The following LAMP5 variants were observed in gnomAD, a reference collection of about 807,000 sequenced individuals.
The protein encoded by LAMP5 is lysosome-associated membrane glycoprotein 5.
LAMP5 carries 36 observed loss-of-function variants against 30.2 expected under a neutral mutation model. The observed-to-expected ratio is 1.19, with a 90% CI of 0.91 to 1.57. The LOEUF (loss-of-function observed/expected upper bound fraction) is 1.57. Among genes scored for constraint, LAMP5 ranks in the 40% most tolerant of loss-of-function variants. The probability of loss-of-function intolerance (pLI) is 0.00; values close to 1 mark genes in which losing one functional copy is unlikely to be tolerated. For missense variants in LAMP5, 377 were observed against 354.9 expected (o/e 1.06, Z -0.50); for synonymous variants, 149 against 134.6 (o/e 1.11, Z -0.74).
At position 9,515,635 on chromosome 20, in the gene LAMP5, C is replaced by CT; in HGVS notation, c.237+13dup. 1.2e-6 allele frequency: 2 copies of CT among 1,606,950 alleles called. No individual in the cohort carries two copies. Among genetic ancestry groups the CT allele is most frequent in the South Asian group, 2.2e-5 (2 of 90,864 alleles). ...CAGCAACTACGTAGATGTAAGGAAT[C>CT]TTTCCCCCCCCTCAGCTTGCTCCTA... On this transcript the variant is annotated intron_variant, in intron 2 of 5. Transcript: ENST00000246070.
At chr20:9,527,825 C>G (rs1257672341) in intron 5 of LAMP5, among the ~76,000 whole-genome samples, 1 of 152,104 alleles carries the variant, frequency 6.6e-6, no homozygotes, top group Non-Finnish European at 1.5e-5. Context: ...GGAGACTCAG[C>G]ACTATGAAGC....
chr20:9,528,627 A>G (rs1292972379), intron 5 of LAMP5, among the ~76,000 whole-genome samples: 1 of 152,194 alleles, frequency 6.6e-6, no homozygotes, highest in Non-Finnish European at 1.5e-5. Flanking sequence ...TATCAATAAA[A>G]AATAACAAAG....
At chr20:9,527,996 G>A (rs373192473) in intron 5 of LAMP5, among the ~76,000 whole-genome samples, 14 of 152,194 alleles carry the variant, frequency 9.2e-5, no homozygotes, top group African/African-American at 3.1e-4. Context: ...TATATTACAT[G>A]CACCCTTAAT....
chr20:9,528,362 G>T (rs887676007), intron 5 of LAMP5, among the ~76,000 whole-genome samples: 6 of 151,864 alleles, frequency 4.0e-5, no homozygotes, highest in Non-Finnish European at 7.4e-5. Context: ...ACTAAAGAGA[G>T]GTTGGTTAAT....
intron 5 of LAMP5, among the ~76,000 whole-genome samples, chr20:9,524,595 T>TAAAAAAAAAAAAAA (rs748114210): frequency 3.3e-3 from 271 of 81,576 alleles, no homozygotes; most frequent in Middle Eastern, 0.017. Context: ...CAGATCGAAC[T>TAAAAAAAAAAAAAA]AAAAAAAAAA....
At chr20:9,522,946 A>AT (rs1200194574) in intron 5 of LAMP5, among the ~76,000 whole-genome samples, 1 of 134,366 alleles carries the variant, frequency 7.4e-6, no homozygotes, top group Admixed American at 7.3e-5. Flanking sequence ...TGCACTTATA[A>AT]TTTTTTTCTT....
At chr20:9,518,288 G>A in intron 5 of LAMP5, 60 bp downstream of exon 5, 4 of 1,499,384 alleles carry the variant, frequency 2.7e-6, no homozygotes, top group Non-Finnish European at 3.7e-6. Flanking sequence ...GGATGAGAGA[G>A]GGACCTACCA....
chr20:9,523,804 A>G (rs1266329083), intron 5 of LAMP5, among the ~76,000 whole-genome samples: 1 of 152,112 alleles, frequency 6.6e-6, no homozygotes, highest in Non-Finnish European at 1.5e-5. Flanking sequence ...AAGCCAACAG[A>G]TGCTCTTCTC....
chr20:9,523,791 G>A (rs1486800059), intron 5 of LAMP5, among the ~76,000 whole-genome samples: 2 of 152,100 alleles, frequency 1.3e-5, no homozygotes, highest in African/African-American at 4.8e-5. Context: ...TGTAGTCCGG[G>A]CTAAGCCAAC....
intron 4 of LAMP5, 30 bp from the exon 5 acceptor site, chr20:9,518,010 T>TCTGCCAGCAGGAGGAGC (rs143992809): frequency 6.3e-7 from 1 of 1,590,320 alleles, no homozygotes; most frequent in African/African-American, 1.3e-5. Flanking sequence ...CAATGAGGGT[T>TCTGCCAGCAGGAGGAGC]CTAACTATTG....
chr20:9,524,803 A>T (rs1355423133), intron 5 of LAMP5, among the ~76,000 whole-genome samples: 1 of 152,214 alleles, frequency 6.6e-6, no homozygotes, highest in African/African-American at 2.4e-5. Context: ...CATACTAAGT[A>T]GGATGACTGA....
chr20:9,515,910 G>T, intron 2 of LAMP5, 90 bp from the exon 3 acceptor site: 5 of 1,385,448 alleles, frequency 3.6e-6, no homozygotes, highest in Non-Finnish European at 4.8e-6. Flanking sequence ...GCGCCCAAGC[G>T]TGCAACCCAG....
Position 9,516,020 on chromosome 20 carries a change from T to C in LAMP5, c.258T>C (p.Asp86=), listed in dbSNP as rs745456501. Reference sequence around the variant, plus strand: ...CCCAGCTGATCACAGAACAGGCCGATATCGCATTGACCCGGGGAGCTGAGG... The same window carrying C: ...CCCAGCTGATCACAGAACAGGCCGACATCGCATTGACCCGGGGAGCTGAGG... ...NYVDLITEQA[D]IALTRGAEVK... is the part of the protein sequence containing the mutation. The change falls in exon 3 of 6, where the codon GAT becomes GAC. Residue 86 remains aspartate (D), a synonymous_variant. Coordinates refer to ENST00000246070, the MANE Select transcript of LAMP5 (RefSeq NM_012261.4). 4.4e-5 allele frequency: 67 copies of C among 1,526,914 alleles called. No individual in the cohort carries two copies. The highest frequency in any genetic ancestry group is 5.2e-6 in the Non-Finnish European group (6 of 1,142,946). 94.6% of individuals were successfully genotyped at this position (1,526,914 alleles called of 1,614,324 possible).
chr20:9,527,401 G>A (rs540943646), intron 5 of LAMP5, among the ~76,000 whole-genome samples: 2 of 152,156 alleles, frequency 1.3e-5, no homozygotes, highest in East Asian at 3.9e-4. Context: ...GACTAAGAAT[G>A]TCAAGTATAC....
In LAMP5 at chr20:9,516,101, C is replaced by T. The variant is rs760439030; in HGVS notation, c.339C>T (p.Arg113=). The change falls in exon 3 of 6, where the codon CGC becomes CGT. Residue 113 remains arginine, a synonymous_variant. Coordinates refer to ENST00000246070, the MANE Select transcript of LAMP5 (RefSeq NM_012261.4). Reference sequence around the variant, plus strand: ...AGCTGCAAGTGTTCTGGGTGGATCGCGCATATGCACTCAAAATGCTCTTTG... The same window carrying T: ...AGCTGCAAGTGTTCTGGGTGGATCGTGCATATGCACTCAAAATGCTCTTTG... ...QSELQVFWVD[R]AYALKMLFVK... The T allele has an allele frequency of 6.4e-7, 1 of 1,550,560 alleles. No homozygotes were observed. The highest frequency in any genetic ancestry group is 1.4e-5 in the African/African-American group (1 of 72,230).
intron 5 of LAMP5, among the ~76,000 whole-genome samples, chr20:9,520,653 A>G (rs2045074003): frequency 6.6e-6 from 1 of 151,860 alleles, no homozygotes; most frequent in Non-Finnish European, 1.5e-5. Context: ...AGCACAGCAT[A>G]ATGGTTTCCT....
At position 9,514,770 on chromosome 20, in the gene LAMP5, C is replaced by T; in HGVS notation, c.-83C>T. On this transcript the variant is annotated 5_prime_UTR_variant, in exon 1 of 6. Transcript: ENST00000246070. ...TCCCCCGCCTCTCGCTCACCCCGGC[C>T]CACTCCAGCGGCGACTTTGAGGGAT... is the stretch of plus-strand genomic sequence containing the variant. 7.7e-7 allele frequency: 1 copy of T among 1,305,942 alleles called. No homozygotes were observed. The highest frequency in any genetic ancestry group is 1.1e-6 in the Non-Finnish European group (1 of 909,560). 80.9% of individuals were successfully genotyped at this position (1,305,942 alleles called of 1,614,324 possible).
At chr20:9,527,850 G>A (rs2045124436) in intron 5 of LAMP5, among the ~76,000 whole-genome samples, 1 of 152,150 alleles carries the variant, frequency 6.6e-6, no homozygotes, top group Non-Finnish European at 1.5e-5. Flanking sequence ...TTGAATTTTA[G>A]GAGGCTGAAA....
At chr20:9,525,932 G>A (rs532032107) in intron 5 of LAMP5, among the ~76,000 whole-genome samples, 1 of 152,168 alleles carries the variant, frequency 6.6e-6, no homozygotes, top group Non-Finnish European at 1.5e-5. Flanking sequence ...TTGTATTTCG[G>A]GCTTCTGGCT....
Sources: gnomAD v4.1 joint callset for allele counts (sites outside exome capture counted in the v4.1 genomes callset) on GRCh38, gnomAD v4.1.1 for gene constraint, MANE v1.5 for transcripts, NCBI Gene and HGNC (gene_info 2026-07-23, HGNC 2026-07-21) for gene names.